Variants in CWC27 observed in about 807,000 individuals in gnomAD.
CWC27 encodes CWC27 spliceosome associated cyclophilin.
A neutral mutation model predicts 63.6 loss-of-function variants in CWC27; 47 were observed. That is an observed-to-expected ratio of 0.74 (90% confidence interval 0.58 to 0.94). The LOEUF (loss-of-function observed/expected upper bound fraction) is 0.94. Ranked by LOEUF, CWC27 falls within the 40% of genes least tolerant of loss-of-function variation. CWC27 has a pLI of 0.00. For synonymous variants in CWC27, 175 were observed against 179.8 expected, an observed-to-expected ratio of 0.97 and a Z score of 0.22; for missense variants, 495 against 554.3, an observed-to-expected ratio of 0.89 and a Z score of 1.07.
At chr5:64,947,773 A>G (rs1748618116) in intron 11 of CWC27, among the ~76,000 whole-genome samples, 1 of 152,042 alleles carries the variant, frequency 6.6e-6, no homozygotes, top group Non-Finnish European at 1.5e-5. Flanking sequence ...CTGGCATTAC[A>G]TGTTTTTGGG....
chr5:64,827,339 T>A (rs962187635), intron 10 of CWC27, among the ~76,000 whole-genome samples: 2 of 152,162 alleles, frequency 1.3e-5, no homozygotes, highest in Non-Finnish European at 2.9e-5. Context: ...CTGGAATTTA[T>A]CCCATGTCAT....
rs573474492 is a variant in CWC27, at chr5:64,987,039, CTGTTTTGTTT to C, written c.1256+9817_1256+9826del. Among the ~76,000 whole-genome samples, 17 of 151,900 alleles carry C rather than the reference CTGTTTTGTTT, an allele frequency of 1.1e-4. No homozygotes were observed. In the South Asian group the frequency reaches 2.1e-3, roughly 19 times the overall value. ...TCCCTTTTTTATTCTTCAGTTTCCT[CTGTTTTGTTT>C]TGTTTTGTTTTGTTTATTTTTATTT... On this transcript the variant is annotated intron_variant, in intron 13 of 13. Coordinates refer to ENST00000381070, the MANE Select transcript of CWC27 (RefSeq NM_005869.4).
intron 3 of CWC27, among the ~76,000 whole-genome samples, 188 bp downstream of exon 3, chr5:64,782,221 G>A (rs1407110521): frequency 1.3e-5 from 2 of 152,036 alleles, no homozygotes; most frequent in Non-Finnish European, 2.9e-5. Flanking sequence ...GCCGAGGGGG[G>A]CGGATCACTT....
At chr5:64,944,850 C>T (rs1015468659) in intron 11 of CWC27, among the ~76,000 whole-genome samples, 5 of 152,266 alleles carry the variant, frequency 3.3e-5, no homozygotes, top group African/African-American at 1.2e-4. Flanking sequence ...AAAAATATGG[C>T]AGATCTTGTC....
intron 11 of CWC27, among the ~76,000 whole-genome samples, chr5:64,956,000 T>C (rs1352466178): frequency 1.3e-5 from 2 of 152,076 alleles, no homozygotes; most frequent in Non-Finnish European, 2.9e-5. Flanking sequence ...TGATAAGAGG[T>C]GTGTGGGCAT....
chr5:64,927,333 T>A (rs1748137589), intron 11 of CWC27, among the ~76,000 whole-genome samples: 1 of 152,228 alleles, frequency 6.6e-6, no homozygotes, highest in South Asian at 2.1e-4. Flanking sequence ...ACGTTTATAT[T>A]GTTCATTCTC....
intron 11 of CWC27, among the ~76,000 whole-genome samples, chr5:64,948,972 T>C (rs2112423087): frequency 6.6e-6 from 1 of 152,108 alleles, no homozygotes; most frequent in Non-Finnish European, 1.5e-5. Context: ...TTTGATGAAA[T>C]AGGATCAGAA....
chr5:64,925,919 G>A (rs879318804), intron 11 of CWC27, among the ~76,000 whole-genome samples: 34 of 152,166 alleles, frequency 2.2e-4, no homozygotes, highest in African/African-American at 7.7e-4. Context: ...TTGCTTATGG[G>A]ATTTTTGTCC....
At chr5:64,799,606 A>ATATATAT (rs1272954189) in intron 7 of CWC27, among the ~76,000 whole-genome samples, 4 of 149,584 alleles carry the variant, frequency 2.7e-5, no homozygotes, top group Admixed American at 6.6e-5. Flanking sequence ...ATATATACTT[A>ATATATAT]ATAGCAGCAG....
intron 2 of CWC27, among the ~76,000 whole-genome samples, chr5:64,776,810 A>G (rs1030307035): frequency 2.0e-5 from 3 of 152,148 alleles, no homozygotes; most frequent in Admixed American, 1.3e-4. Context: ...AAAGCAAATG[A>G]ATAAAACATG....
chr5:64,982,897 G>A (rs1749354433), intron 13 of CWC27, among the ~76,000 whole-genome samples: 1 of 152,168 alleles, frequency 6.6e-6, no homozygotes, highest in Admixed American at 6.5e-5. Context: ...TACTGCCTGA[G>A]CTCCACCTCC....
chr5:64,912,083 AAAAAAAAAG>A (rs199871356), intron 11 of CWC27, among the ~76,000 whole-genome samples: 9,260 of 146,398 alleles, frequency 0.063, 947 homozygotes, highest in African/African-American at 0.23. Context: ...CAAAAAAAAA[AAAAAAAAAG>A]AAAGAAAGAA....
chr5:64,829,044 A>G (rs776733973), intron 10 of CWC27, among the ~76,000 whole-genome samples: 15 of 152,176 alleles, frequency 9.9e-5, no homozygotes, highest in Non-Finnish European at 1.8e-4. Flanking sequence ...ATATCAATGT[A>G]CAAAATGAAA....
intron 11 of CWC27, among the ~76,000 whole-genome samples, chr5:64,929,530 A>G (rs570601134): frequency 6.6e-6 from 1 of 152,312 alleles, no homozygotes; most frequent in Middle Eastern, 3.4e-3. Flanking sequence ...AGATAATGCA[A>G]TTTTTAAATT....
chr5:64,806,740 G>C (rs1448573626), intron 10 of CWC27, among the ~76,000 whole-genome samples: 1 of 152,114 alleles, frequency 6.6e-6, no homozygotes, highest in Non-Finnish European at 1.5e-5. Context: ...TGCTCAGCAG[G>C]CTGAGGTGGG....
chr5:64,875,883 A>G (rs1386134963), intron 10 of CWC27, among the ~76,000 whole-genome samples: 2 of 152,068 alleles, frequency 1.3e-5, no homozygotes, highest in African/African-American at 2.4e-5. Flanking sequence ...AGAGAAGCAA[A>G]TTTCTGTTTA....
intron 10 of CWC27, among the ~76,000 whole-genome samples, chr5:64,826,887 T>A (rs1484629003): frequency 2.0e-5 from 3 of 152,118 alleles, no homozygotes; most frequent in Non-Finnish European, 4.4e-5. Context: ...TGTGTGTATA[T>A]GTGTGTGGCA....
chr5:64,977,117 G>A lies in CWC27; in HGVS notation c.1153-18G>A. The A allele has an allele frequency of 1.4e-6, 2 of 1,478,758 alleles. No homozygotes were observed. The highest frequency in any genetic ancestry group is 1.8e-6 in the Non-Finnish European group (2 of 1,081,676). 91.6% of individuals were successfully genotyped at this position (1,478,758 alleles called of 1,614,324 possible). ...TTTATCTTTATCAGAAAACTTAGCA[G>A]TCTAATTGTTATTTCAGACCCTTGC... On this transcript the variant is annotated intron_variant, in intron 12 of 13. Coordinates refer to ENST00000381070, the MANE Select transcript of CWC27 (RefSeq NM_005869.4).
intron 10 of CWC27, among the ~76,000 whole-genome samples, chr5:64,811,987 T>TC (rs566874305): frequency 1.3e-3 from 197 of 152,142 alleles, no homozygotes; most frequent in African/African-American, 4.5e-3. Flanking sequence ...GGATATTTTT[T>TC]CCCCAGAATT....
Sources: allele counts gnomAD v4.1 joint callset (sites outside exome capture counted in the v4.1 genomes callset), GRCh38; gene constraint gnomAD v4.1.1; transcripts MANE v1.5; gene names NCBI Gene and HGNC (gene_info 2026-07-23, HGNC 2026-07-21).